Variants in FARP1 observed in about 807,000 individuals in gnomAD.
FARP1 encodes the protein FERM, ARHGEF and pleckstrin domain-containing protein 1.
A neutral mutation model predicts 128.8 loss-of-function variants in FARP1; 52 were observed. That is an observed-to-expected ratio of 0.40 (90% CI 0.32 to 0.51). The LOEUF is 0.51. FARP1 is among the 20% of genes least tolerant of loss of function. The pLI, the probability that FARP1 is intolerant of heterozygous loss-of-function variation, is 0.45. For synonymous variants in FARP1, 580 were observed against 551.8 expected, an observed-to-expected ratio of 1.05 and a Z score of -0.72; for missense variants, 1,333 against 1,367.9, an observed-to-expected ratio of 0.97 and a Z score of 0.40.
chr13:98,369,204 C>T (rs536074057), intron 5 of FARP1, among the ~76,000 whole-genome samples: 59 of 152,256 alleles, frequency 3.9e-4, no homozygotes, highest in South Asian at 1.7e-3. Context: ...GGATTATGTG[C>T]GTGAGCCACT....
chr13:98,223,413 C>T (rs776096008), intron 2 of FARP1, among the ~76,000 whole-genome samples: 1 of 152,238 alleles, frequency 6.6e-6, no homozygotes. Flanking sequence ...GCAACCTCCG[C>T]CTCCGGGGTT....
chr13:98,271,736 T>C (rs773093492), intron 2 of FARP1, among the ~76,000 whole-genome samples: 11 of 152,214 alleles, frequency 7.2e-5, no homozygotes, highest in Non-Finnish European at 1.6e-4. Flanking sequence ...GCAAAGGGCA[T>C]GAACTCATTC....
intron 19 of FARP1, chr13:98,435,932 C>T (rs780703280): frequency 1.1e-5 from 7 of 614,862 alleles, no homozygotes; most frequent in Middle Eastern, 2.6e-4. Context: ...TTTCTCCTTA[C>T]GGGGTGATTC....
chr13:98,365,894 G>GGTGTGTGTGTGT (rs55871546), intron 4 of FARP1, among the ~76,000 whole-genome samples: 157 of 148,372 alleles, frequency 1.1e-3, no homozygotes, highest in Admixed American at 2.2e-3. Flanking sequence ...GTGTGTATGT[G>GGTGTGTGTGTGT]GTGTGTGTGT....
chr13:98,229,368 A>G (rs1881979126), intron 2 of FARP1, among the ~76,000 whole-genome samples: 2 of 152,252 alleles, frequency 1.3e-5, no homozygotes, highest in African/African-American at 2.4e-5. Context: ...GCATTTGGGT[A>G]AATTTCCCCA....
chr13:98,267,119 C>G (rs9584789), intron 2 of FARP1, among the ~76,000 whole-genome samples: 63,413 of 151,652 alleles, frequency 0.42, 14,053 homozygotes, highest in African/African-American at 0.56. Flanking sequence ...ATATTTTTAC[C>G]TAAACGGTTT....
rs774767836 is a variant in FARP1 at position 98,176,327 on chromosome 13, C to T, written c.-24+32835C>T. On this transcript the variant is annotated intron_variant, in intron 1 of 26. Coordinates refer to ENST00000319562, the MANE Select transcript of FARP1 (RefSeq NM_005766.4). This position sits in a 1 kb window ranked among gnomAD's most constrained non-coding sequence, Gnocchi z 6.2. ...TGCAGTTTCGCCATCAGTTCTTTGG[C>T]GGGGTTAAAGATGCCGCCGGTTGGC... 1.9e-6 allele frequency: 3 copies of T among 1,613,508 alleles called. No individual in the cohort carries two copies. The highest frequency in any genetic ancestry group is 1.1e-5 in the South Asian group (1 of 91,052).
Position 98,409,331 on chromosome 13 carries a change from C to A in FARP1, c.1415-7C>A. The A allele has an allele frequency of 6.3e-7, 1 of 1,591,004 alleles. No individual in the cohort carries two copies. Among genetic ancestry groups the A allele is most frequent in the South Asian group, 1.1e-5 (1 of 89,344 alleles). ...TTTTTTCTTTAAAACTTCTCATCCCCAAACAGGCTCCCTGACTGGCAGTCC... is the reference window on the plus strand; with the variant it reads ...TTTTTTCTTTAAAACTTCTCATCCCAAAACAGGCTCCCTGACTGGCAGTCC... On this transcript the variant is annotated splice_polypyrimidine_tract_variant and splice_region_variant and intron_variant, in intron 13 of 26. Transcript: ENST00000319562.
At chr13:98,327,878 G>A (rs560273075) in intron 2 of FARP1, among the ~76,000 whole-genome samples, 2 of 152,304 alleles carry the variant, frequency 1.3e-5, no homozygotes, top group South Asian at 4.1e-4. Context: ...CTTCAGAGGG[G>A]AAGAATAAGA....
chr13:98,277,018 A>G (rs1184707958), intron 2 of FARP1, among the ~76,000 whole-genome samples: 5 of 152,092 alleles, frequency 3.3e-5, no homozygotes, highest in African/African-American at 1.2e-4. Context: ...CATTTCAAAC[A>G]CAAGTATTCG....
intron 6 of FARP1, among the ~76,000 whole-genome samples, chr13:98,381,146 C>G (rs1889874984): frequency 6.6e-6 from 1 of 152,146 alleles, no homozygotes; most frequent in Admixed American, 6.5e-5. Flanking sequence ...AGTCATGAGA[C>G]ACATAATATT....
At chr13:98,316,862 C>T (rs1389931484) in intron 2 of FARP1, among the ~76,000 whole-genome samples, 4 of 152,264 alleles carry the variant, frequency 2.6e-5, no homozygotes, top group Admixed American at 1.3e-4. Flanking sequence ...AATTAACTCC[C>T]GCTCAGAAGC....
chr13:98,226,748 A>G (rs372298654), intron 2 of FARP1, among the ~76,000 whole-genome samples: 7 of 152,296 alleles, frequency 4.6e-5, no homozygotes, highest in East Asian at 3.9e-4. Context: ...GGGTGGCCAT[A>G]TGAGATGAGA....
intron 1 of FARP1, among the ~76,000 whole-genome samples, chr13:98,145,732 A>G (rs2139068391): frequency 9.8e-6 from 1 of 102,150 alleles, no homozygotes; most frequent in Middle Eastern, 4.1e-3. Context: ...GGGTGGTAGC[A>G]GGTGCCTGTA....
chr13:98,207,713 T>G (rs1480738731), intron 1 of FARP1, among the ~76,000 whole-genome samples: 1 of 151,844 alleles, frequency 6.6e-6, no homozygotes, highest in Non-Finnish European at 1.5e-5. Flanking sequence ...GTACGAAAAG[T>G]GCATGGAGGG....
At chr13:98,193,005 C>G (rs1879336248) in intron 1 of FARP1, among the ~76,000 whole-genome samples, 1 of 152,116 alleles carries the variant, frequency 6.6e-6, no homozygotes, top group African/African-American at 2.4e-5. Context: ...TGCCATGCTG[C>G]CAGCCCTTGT....
intron 2 of FARP1, among the ~76,000 whole-genome samples, chr13:98,330,459 T>G (rs905755044): frequency 6.6e-6 from 1 of 151,958 alleles, no homozygotes; most frequent in Non-Finnish European, 1.5e-5. Flanking sequence ...TTCAAGGAAA[T>G]TGTCAGAAAA....
chr13:98,217,453 G>A (rs879595761), intron 2 of FARP1, among the ~76,000 whole-genome samples: 8 of 152,306 alleles, frequency 5.3e-5, no homozygotes, highest in Non-Finnish European at 1.0e-4. Flanking sequence ...CGGCGTCTAC[G>A]ACCGTCGTCG....
intron 2 of FARP1, among the ~76,000 whole-genome samples, chr13:98,237,818 A>G (rs1270631297): frequency 1.3e-5 from 2 of 152,212 alleles, no homozygotes; most frequent in Admixed American, 1.3e-4. Flanking sequence ...AATCTAGCAT[A>G]AGGACCATTT....
Sources: gnomAD v4.1 joint callset for allele counts (sites outside exome capture counted in the v4.1 genomes callset) on GRCh38, gnomAD v4.1.1 for gene constraint, Gnocchi (gnomAD v3.1) non-coding constraint, MANE v1.5 for transcripts, NCBI Gene and HGNC (gene_info 2026-07-23, HGNC 2026-07-21) for gene names.